NXPE4: variants seen among roughly 807,000 people sequenced by gnomAD.
The protein encoded by NXPE4 is NXPE family member 4.
Under a neutral mutation model 33.3 loss-of-function variants are expected in NXPE4, and 42 were observed. The ratio of observed to expected loss-of-function variants is 1.26; its 90% CI spans 0.98 to 1.63. The LOEUF is 1.63. Ranked by LOEUF, NXPE4 falls within the 40% of genes most tolerant of loss-of-function variation. The pLI is 0.00. For synonymous variants in NXPE4, 253 were observed against 234.9 expected, an observed-to-expected ratio of 1.08 and a Z score of -0.71; for missense variants, 709 against 647.6, an observed-to-expected ratio of 1.09 and a Z score of -1.03.
chr11:114,571,071 T>C lies in NXPE4; in HGVS notation c.1502A>G (p.Asp501Gly), dbSNP rs1948872591. 6.2e-7 allele frequency: 1 copy of C among 1,613,914 alleles called. No homozygotes were observed. Among genetic ancestry groups the C allele is most frequent in the Non-Finnish European group, 8.5e-7 (1 of 1,179,916 alleles). ...ACTCACACTGAGATCCTGGAAAATG[T>C]CCTTTATGATGAGATATTGAATGTA... ...HGYIQYLIIK[D>G]IFQDLSVSII... Residue 501 changes from aspartate (D) to glycine (G), a missense_variant, in exon 6 of 6, where the codon GAC (aspartate) becomes GGC (glycine). Coordinates refer to ENST00000375478, the MANE Select transcript of NXPE4 (RefSeq NM_001077639.2).
the NXPE4 span, among the ~76,000 whole-genome samples, chr11:114,632,678 A>T: frequency 1.7e-5 from 1 of 58,032 alleles, no homozygotes; most frequent in Non-Finnish European, 2.7e-5. Context: ...ATATATATTT[A>T]TATATATAAA....
At chr11:114,654,063 T>C in the NXPE4 span, among the ~76,000 whole-genome samples, 2 of 152,274 alleles carry the variant, frequency 1.3e-5, no homozygotes, top group East Asian at 3.9e-4. Context: ...ATGACAATGA[T>C]ACAAAGTGGT....
the NXPE4 span, among the ~76,000 whole-genome samples, chr11:114,633,112 T>C: frequency 2.4e-5 from 3 of 122,498 alleles, no homozygotes; most frequent in African/African-American, 3.2e-5. Context: ...TTTTACATTA[T>C]ATTTTATATA....
intron 5 of NXPE4, among the ~76,000 whole-genome samples, chr11:114,579,716 T>TGTAA (rs1949091613): frequency 6.6e-6 from 1 of 152,242 alleles, no homozygotes; most frequent in African/African-American, 2.4e-5. Flanking sequence ...GGAATGGTTA[T>TGTAA]GTAACTTGTT....
chr11:114,610,068 A>G, the NXPE4 span, among the ~76,000 whole-genome samples: 2 of 151,066 alleles, frequency 1.3e-5, no homozygotes, highest in Non-Finnish European at 1.5e-5. Flanking sequence ...GTCTTGCCTC[A>G]TGGGTAACCA....
At position 114,582,620 on chromosome 11, in the gene NXPE4, G is replaced by C. The variant is rs199976393; in HGVS notation, c.498C>G (p.Ser166Arg). 1.2e-6 allele frequency: 2 copies of C among 1,614,024 alleles called. No individual in the cohort carries two copies. The highest frequency in any genetic ancestry group is 2.7e-5 in the African/African-American group (2 of 74,934). Residue 166 changes from serine (S) to arginine (R), a missense_variant, in exon 3 of 6, where the codon AGC (serine) becomes AGG (arginine). Ser to Arg is a moderately radical substitution (Grantham distance 110). Coordinates refer to ENST00000375478, the MANE Select transcript of NXPE4 (RefSeq NM_001077639.2). The stretch of plus-strand genomic sequence containing the variant: ...CCTGGCCCTCCCAGAACAGAGTGAA[G>C]CTGACCAGGTAGGTGCCGTTGTTGA... ...TDFNNGTYLV[S>R]FTLFWEGQVS...
At chr11:114,678,093 A>T in the NXPE4 span, among the ~76,000 whole-genome samples, 1 of 152,138 alleles carries the variant, frequency 6.6e-6, no homozygotes, top group East Asian at 1.9e-4. Context: ...GTTTACAAAG[A>T]AAGCACTCCA....
the NXPE4 span, among the ~76,000 whole-genome samples, chr11:114,607,433 G>A: frequency 1.2e-3 from 178 of 151,342 alleles, no homozygotes; most frequent in African/African-American, 3.2e-3. Context: ...GTATTTCCTC[G>A]TGGGAAACCA....
chr11:114,577,458 C>T (rs921997647), intron 5 of NXPE4, among the ~76,000 whole-genome samples: 2 of 152,010 alleles, frequency 1.3e-5, no homozygotes, highest in African/African-American at 2.4e-5. Context: ...GTACACTGCT[C>T]GGGCGATGGG....
the NXPE4 span, among the ~76,000 whole-genome samples, chr11:114,602,297 CAT>C: frequency 6.9e-5 from 8 of 115,578 alleles, no homozygotes; most frequent in Non-Finnish European, 1.3e-4. Flanking sequence ...TTATCTATAA[CAT>C]ATACTATATA....
At chr11:114,613,240 T>C in the NXPE4 span, among the ~76,000 whole-genome samples, 1 of 151,940 alleles carries the variant, frequency 6.6e-6, no homozygotes, top group Admixed American at 6.6e-5. Flanking sequence ...GTAACCACTG[T>C]TACCCGGTGG....
At chr11:114,630,366 C>T in the NXPE4 span, among the ~76,000 whole-genome samples, 1 of 151,720 alleles carries the variant, frequency 6.6e-6, no homozygotes, top group Non-Finnish European at 1.5e-5. Flanking sequence ...AGAAATAACA[C>T]CACATTTCTA....
the NXPE4 span, among the ~76,000 whole-genome samples, chr11:114,640,060 A>C: frequency 1.7e-5 from 2 of 117,088 alleles, no homozygotes; most frequent in Non-Finnish European, 3.2e-5. Context: ...TATATAATTT[A>C]TTTAAAATAT....
At chr11:114,622,096 C>T in the NXPE4 span, among the ~76,000 whole-genome samples, 1 of 151,932 alleles carries the variant, frequency 6.6e-6, no homozygotes, top group African/African-American at 2.4e-5. Flanking sequence ...ATAAGTACTG[C>T]CTCATCAGTA....
intron 5 of NXPE4, among the ~76,000 whole-genome samples, chr11:114,574,474 G>A (rs1382614264): frequency 3.9e-5 from 6 of 152,002 alleles, no homozygotes; most frequent in Non-Finnish European, 4.4e-5. Context: ...TAACTAAGAA[G>A]AGAGAAGATC....
the NXPE4 span, among the ~76,000 whole-genome samples, chr11:114,664,569 G>C: frequency 1.3e-5 from 2 of 152,134 alleles, no homozygotes; most frequent in African/African-American, 4.8e-5. Context: ...TGCACACACA[G>C]AAGAAAAGGA....
At chr11:114,608,662 C>T in the NXPE4 span, among the ~76,000 whole-genome samples, 209 of 151,772 alleles carry the variant, frequency 1.4e-3, 3 homozygotes, top group East Asian at 0.034. Flanking sequence ...CACTGTTACC[C>T]GGTGGATAAT....
At chr11:114,573,022 A>T (rs554135257) in intron 5 of NXPE4, among the ~76,000 whole-genome samples, 5 of 152,358 alleles carry the variant, frequency 3.3e-5, no homozygotes, top group Admixed American at 6.5e-5. Flanking sequence ...TTCTCAGCAG[A>T]AACCCTACAA....
chr11:114,664,252 A>G, the NXPE4 span, among the ~76,000 whole-genome samples: 1 of 152,184 alleles, frequency 6.6e-6, no homozygotes, highest in South Asian at 2.1e-4. Flanking sequence ...AAAAGAACAC[A>G]GACTAAAAAG....
Sources: gnomAD v4.1 joint callset for allele counts (sites outside exome capture counted in the v4.1 genomes callset) on GRCh38, gnomAD v4.1.1 for gene constraint, MANE v1.5 for transcripts, NCBI Gene and HGNC (gene_info 2026-07-23, HGNC 2026-07-21) for gene names.